The following TMEM181 variants were observed in gnomAD, a reference collection of about 807,000 sequenced individuals.
TMEM181 encodes transmembrane protein 181.
A neutral mutation model predicts 71.9 loss-of-function variants in TMEM181; 39 were observed. The observed-to-expected ratio is 0.54, with a 90% CI of 0.42 to 0.71. TMEM181 has a LOEUF of 0.71. Among genes scored for constraint, TMEM181 ranks in the 30% least tolerant of loss-of-function variants. The pLI is 0.00. For missense variants in TMEM181, 595 were observed against 583.0 expected (o/e 1.02, Z -0.21); for synonymous variants, 245 against 228.8 (o/e 1.07, Z -0.64).
chr6:158,626,199 T>G (rs570420661), intron 13 of TMEM181, among the ~76,000 whole-genome samples: 1 of 152,260 alleles, frequency 6.6e-6, no homozygotes, highest in African/African-American at 2.4e-5. Flanking sequence ...GGTCCTGTTG[T>G]GTCAGGGAGT....
intron 6 of TMEM181, among the ~76,000 whole-genome samples, chr6:158,592,488 T>C (rs75653850): frequency 6.9e-6 from 1 of 143,912 alleles, no homozygotes; most frequent in Non-Finnish European, 1.5e-5. Context: ...TTTTTTTTTT[T>C]CTGAAACGGA....
chr6:158,559,990 C>T (rs901129165), upstream of TMEM181: 4 of 940,222 alleles, frequency 4.3e-6, no homozygotes, highest in South Asian at 1.5e-4. Flanking sequence ...AGGAGGGCCA[C>T]CCCCCTCGCC....
chr6:158,577,332 C>G (rs866000015), intron 2 of TMEM181, among the ~76,000 whole-genome samples: 2 of 152,082 alleles, frequency 1.3e-5, no homozygotes, highest in Non-Finnish European at 2.9e-5. Flanking sequence ...TAGAGTGATT[C>G]AAAGGCAGAT....
chr6:158,632,053 A>G lies in TMEM181; in HGVS notation c.*165A>G, dbSNP rs1786697022. ...AAACCAAAACTGAGGGTAAATTTAAATGTTTAGCCAAATTTATTGTCATGG... is the reference window on the plus strand; with the variant it reads ...AAACCAAAACTGAGGGTAAATTTAAGTGTTTAGCCAAATTTATTGTCATGG... On this transcript the variant is annotated 3_prime_UTR_variant, in exon 17 of 17. Transcript: ENST00000684151. The G allele has an allele frequency of 1.5e-6, 1 of 670,696 alleles. No homozygotes were observed. Among genetic ancestry groups the G allele is most frequent in the Non-Finnish European group, 2.5e-6 (1 of 400,132 alleles). 41.5% of individuals were successfully genotyped at this position (670,696 alleles called of 1,614,324 possible). A position where few individuals can be genotyped will look rare whatever the true frequency, so the allele number is the denominator to read the frequency against.
intron 12 of TMEM181, 139 bp downstream of exon 12, chr6:158,625,345 G>T: frequency 1.4e-6 from 1 of 739,804 alleles, no homozygotes; most frequent in Non-Finnish European, 2.3e-6. Context: ...TGGGGACCAG[G>T]GCACGTGGTC....
intron 2 of TMEM181, among the ~76,000 whole-genome samples, chr6:158,575,334 T>G (rs1218140393): frequency 6.6e-6 from 1 of 151,240 alleles, no homozygotes; most frequent in African/African-American, 2.4e-5. Flanking sequence ...GCCTTGTTAG[T>G]GAAGACTGGA....
intron 1 of TMEM181, among the ~76,000 whole-genome samples, chr6:158,551,244 A>G (rs6455589): frequency 0.61 from 92,956 of 151,838 alleles, 28,834 homozygotes; most frequent in East Asian, 0.73. Flanking sequence ...ACAGGTGTGA[A>G]CCACTGTGCC....
intron 3 of TMEM181, 148 bp from the exon 4 acceptor site, chr6:158,583,802 TAAAA>T: frequency 1.8e-6 from 1 of 551,958 alleles, no homozygotes; most frequent in Non-Finnish European, 3.1e-6. Flanking sequence ...TCCATCAAAA[TAAAA>T]AAAAGAAGGA....
intron 3 of TMEM181, among the ~76,000 whole-genome samples, 197 bp from the exon 4 acceptor site, chr6:158,583,757 G>A (rs1410842753): frequency 2.0e-5 from 3 of 152,090 alleles, no homozygotes; most frequent in Non-Finnish European, 2.9e-5. Context: ...CCGAGATCGC[G>A]CCACTGCACT....
At chr6:158,600,007 T>G (rs1357515121) in intron 6 of TMEM181, among the ~76,000 whole-genome samples, 2 of 151,842 alleles carry the variant, frequency 1.3e-5, no homozygotes, top group African/African-American at 4.8e-5. Flanking sequence ...CCGGATGGAG[T>G]GTGATGAAGG....
At chr6:158,552,662 G>C (rs1346035393) in intron 1 of TMEM181, among the ~76,000 whole-genome samples, 1 of 152,170 alleles carries the variant, frequency 6.6e-6, no homozygotes, top group Admixed American at 6.5e-5. Context: ...AAGGTTGAAG[G>C]AGAGAGTTAT....
At chr6:158,557,608 C>G (rs191639463), upstream of TMEM181, among the ~76,000 whole-genome samples, 2 of 152,080 alleles carry the variant, frequency 1.3e-5, no homozygotes, top group South Asian at 4.1e-4. Flanking sequence ...AGCTCCACCC[C>G]CTGGGTTTAA....
chr6:158,609,271 C>T (rs1054554230), intron 10 of TMEM181, among the ~76,000 whole-genome samples: 3 of 152,050 alleles, frequency 2.0e-5, no homozygotes, highest in African/African-American at 7.3e-5. Flanking sequence ...TAGTACTGAT[C>T]CTTATATATA....
intron 6 of TMEM181, among the ~76,000 whole-genome samples, chr6:158,590,645 G>A (rs1314426947): frequency 6.6e-6 from 1 of 152,206 alleles, no homozygotes; most frequent in Admixed American, 6.5e-5. Flanking sequence ...TGTATTTTTA[G>A]TAGAGACAGA....
At chr6:158,550,091 G>C (rs1781670506) in intron 1 of TMEM181, among the ~76,000 whole-genome samples, 1 of 151,502 alleles carries the variant, frequency 6.6e-6, no homozygotes, top group Non-Finnish European at 1.5e-5. Context: ...GTCCCTCCGT[G>C]CTTGGATGGA....
chr6:158,557,181 C>T (rs1357412338), upstream of TMEM181, among the ~76,000 whole-genome samples: 1 of 152,148 alleles, frequency 6.6e-6, no homozygotes, highest in African/African-American at 2.4e-5. Context: ...TCAAGACCAG[C>T]CTGGACAACA....
intron 4 of TMEM181, 95 bp downstream of exon 4, chr6:158,584,139 C>G (rs1783629063): frequency 9.6e-7 from 1 of 1,040,740 alleles, no homozygotes; most frequent in Non-Finnish European, 1.4e-6. Flanking sequence ...AGCAAGTGCT[C>G]AAAGATAGAT....
At chr6:158,609,549 C>T (rs561539846) in intron 10 of TMEM181, among the ~76,000 whole-genome samples, 2 of 152,346 alleles carry the variant, frequency 1.3e-5, no homozygotes, top group South Asian at 2.1e-4. Context: ...CCTCATGACC[C>T]GCTTTGAGGA....
At chr6:158,609,047 G>A (rs1308879307) in intron 10 of TMEM181, among the ~76,000 whole-genome samples, 2 of 151,224 alleles carry the variant, frequency 1.3e-5, no homozygotes, top group South Asian at 2.1e-4. Flanking sequence ...GCAATGAGCC[G>A]AGATTGCACC....
Sources: gnomAD v4.1 joint callset for allele counts (sites outside exome capture counted in the v4.1 genomes callset) on GRCh38, gnomAD v4.1.1 for gene constraint, MANE v1.5 for transcripts, NCBI Gene and HGNC (gene_info 2026-07-23, HGNC 2026-07-21) for gene names.